MYH10: variants seen among roughly 807,000 people sequenced by gnomAD.
The protein encoded by MYH10 is myosin heavy chain 10.
In MYH10, 55 loss-of-function variants were observed where a neutral mutation model predicts 257.8. The ratio of observed to expected loss-of-function variants is 0.21; its 90% CI spans 0.17 to 0.27. MYH10 has a LOEUF of 0.27. MYH10 is among the 10% of genes least tolerant of loss of function. MYH10 has a pLI of 1.00. For missense variants in MYH10, 1,631 were observed against 2,500.6 expected (o/e 0.65, Z 7.42); for synonymous variants, 854 against 921.7 (o/e 0.93, Z 1.33).
intron 7 of MYH10, among the ~76,000 whole-genome samples, chr17:8,567,070 T>C (rs1045348499): frequency 6.6e-6 from 1 of 152,206 alleles, no homozygotes; most frequent in Non-Finnish European, 1.5e-5. Flanking sequence ...AAGATCTTGA[T>C]GGAGATTCAC....
At chr17:8,585,089 C>T (rs892813343) in intron 4 of MYH10, among the ~76,000 whole-genome samples, 2 of 151,700 alleles carry the variant, frequency 1.3e-5, no homozygotes, top group African/African-American at 4.8e-5. Context: ...GTGATCCGCC[C>T]ACCTTGGCCT....
chr17:8,539,184 A>T (rs1006812261), intron 14 of MYH10, among the ~76,000 whole-genome samples: 1 of 152,138 alleles, frequency 6.6e-6, no homozygotes, highest in Admixed American at 6.5e-5. Flanking sequence ...CAAGAAATCA[A>T]TTTCTTTTCT....
rs2081009818 is a variant in MYH10, at chr17:8,504,475, T to G, written c.3599+219A>C. Among the ~76,000 whole-genome samples, 1 of 152,202 alleles carries G rather than the reference T, an allele frequency of 6.6e-6. No homozygotes were observed. The highest frequency in any genetic ancestry group is 2.4e-5 in the African/African-American group (1 of 41,450). ...TTCCGATCACATCCATCTCCCTCTG[T>G]GTCCCTCAGTCTGCTGGTTTACCCA... On this transcript the variant is annotated intron_variant, in intron 28 of 42. Transcript: ENST00000360416. This position sits in a 1 kb window ranked among gnomAD's most constrained non-coding sequence, Gnocchi z 5.6.
intron 4 of MYH10, among the ~76,000 whole-genome samples, chr17:8,588,276 T>G (rs1483566124): frequency 6.6e-6 from 1 of 152,038 alleles, no homozygotes; most frequent in Non-Finnish European, 1.5e-5. Context: ...CTAGCACAGA[T>G]CTCACTCTCC....
chr17:8,630,125 C>G (rs931463347), intron 1 of MYH10, among the ~76,000 whole-genome samples: 6 of 151,760 alleles, frequency 4.0e-5, no homozygotes, highest in Admixed American at 1.3e-4. Context: ...CTGCCCAGCG[C>G]CCCCCCACCC....
intron 4 of MYH10, among the ~76,000 whole-genome samples, chr17:8,584,254 C>T (rs1033316055): frequency 2.0e-5 from 3 of 151,964 alleles, no homozygotes; most frequent in African/African-American, 7.3e-5. Flanking sequence ...GCAGATAAGG[C>T]CAGAGTGTAA....
chr17:8,521,895 A>G (rs1296487055), intron 17 of MYH10, among the ~76,000 whole-genome samples: 2 of 152,224 alleles, frequency 1.3e-5, no homozygotes. Flanking sequence ...ACACTTACTA[A>G]AGGGCAAGAA....
At chr17:8,484,006 C>A in intron 37 of MYH10, 132 bp downstream of exon 37, 2 of 803,384 alleles carry the variant, frequency 2.5e-6, no homozygotes, top group Non-Finnish European at 3.7e-6. Flanking sequence ...AAAATGGATA[C>A]TTAAAAAAAT....
rs749629361 is a variant in MYH10, at chr17:8,545,442, G to A, written c.1431+6C>T. On this transcript the variant is annotated splice_donor_region_variant and intron_variant, in intron 13 of 42. Coordinates refer to ENST00000360416, the MANE Select transcript of MYH10 (RefSeq NM_001256012.3). This position sits in a 1 kb window ranked among gnomAD's most constrained non-coding sequence, Gnocchi z 4.7. ...GGACGAGCTAGAGGAAGAGGGGGAA[G>A]AATACCTCAAAAATTTCAAATCCAG... 6.2e-7 allele frequency: 1 copy of A among 1,612,664 alleles called. No individual in the cohort carries two copies. Among genetic ancestry groups the A allele is most frequent in the South Asian group, 1.1e-5 (1 of 90,666 alleles).
chr17:8,489,437 C>T (rs529464853), intron 35 of MYH10, among the ~76,000 whole-genome samples: 86 of 152,324 alleles, frequency 5.6e-4, no homozygotes, highest in African/African-American at 2.0e-3. Context: ...GGCATGGTGG[C>T]TCATGCCTGT....
In MYH10 at chr17:8,503,307, A is replaced by AAATAAAATAG. The variant is rs746063253; in HGVS notation, c.3599+1386_3599+1387insCTATTTTATT. On this transcript the variant is annotated intron_variant, in intron 28 of 42. Coordinates refer to ENST00000360416, the MANE Select transcript of MYH10 (RefSeq NM_001256012.3). ...TCAAAAAAATATAAAATAAAAAATA[A>AAATAAAATAG]AATAAAATAAAAAAGTGGGGTAGGA... Among the ~76,000 whole-genome samples the AAATAAAATAG allele has an allele frequency of 1.1e-3, 161 of 151,932 alleles. 1 individual carries two copies. The highest frequency in any genetic ancestry group is 0.01 in the Middle Eastern group (3 of 294).
chr17:8,624,617 A>C (rs1320671818), intron 1 of MYH10, among the ~76,000 whole-genome samples: 1 of 152,232 alleles, frequency 6.6e-6, no homozygotes, highest in Non-Finnish European at 1.5e-5. Context: ...TGAGTCCATC[A>C]GCTAATCTCA....
At chr17:8,522,017 T>C (rs2081669659) in intron 17 of MYH10, among the ~76,000 whole-genome samples, 1 of 152,220 alleles carries the variant, frequency 6.6e-6, no homozygotes, top group African/African-American at 2.4e-5. Flanking sequence ...TTTTACATTA[T>C]CCACAAAGAC....
In MYH10 at chr17:8,604,941, C is replaced by A; in HGVS notation, c.387G>T (p.Lys129Asn). ...TATTCTCAGAGTAAATTGGAAGATT[C>A]TTGTAAGGGTTTATAACTACACAGA... The part of the protein sequence containing the change: ...GLFCVVINPY[K>N]NLPIYSENII... The change falls in exon 3 of 43, where the codon AAG (lysine) becomes AAT (asparagine). Residue 129 changes from lysine to asparagine, a missense_variant. Lys to Asn is a moderately conservative substitution (Grantham distance 94). This residue lies in a region of MYH10 where 360 missense variants were observed against 581.9 expected (regional missense o/e 0.62). Coordinates refer to ENST00000360416, the MANE Select transcript of MYH10 (RefSeq NM_001256012.3). The A allele has an allele frequency of 6.3e-7, 1 of 1,574,948 alleles. No homozygotes were observed. Among genetic ancestry groups the A allele is most frequent in the South Asian group, 1.1e-5 (1 of 88,758 alleles).
intron 28 of MYH10, among the ~76,000 whole-genome samples, chr17:8,502,276 A>G (rs552430493): frequency 2.4e-4 from 37 of 152,120 alleles, no homozygotes; most frequent in Non-Finnish European, 5.3e-4. Context: ...TGCCAGCTCC[A>G]TGGTCGCATG....
chr17:8,518,155 T>C (rs1470168000), intron 21 of MYH10, among the ~76,000 whole-genome samples: 1 of 123,752 alleles, frequency 8.1e-6, no homozygotes, highest in African/African-American at 3.1e-5. Flanking sequence ...GTGTTTGAGA[T>C]AGGGTCTCAC....
At chr17:8,501,246 T>C (rs895240899) in intron 28 of MYH10, among the ~76,000 whole-genome samples, 2 of 152,014 alleles carry the variant, frequency 1.3e-5, no homozygotes, top group Non-Finnish European at 2.9e-5. Context: ...TGAGCTATGA[T>C]TGCGCCACTG....
At chr17:8,587,955 A>G (rs1275213261) in intron 4 of MYH10, among the ~76,000 whole-genome samples, 2 of 151,614 alleles carry the variant, frequency 1.3e-5, no homozygotes, top group African/African-American at 4.9e-5. Flanking sequence ...TCCACTCTCT[A>G]TTGCTGGGTC....
chr17:8,593,683 GA>G lies in MYH10; in HGVS notation c.503-4576del, dbSNP rs959436204. Among the ~76,000 whole-genome samples the G allele has an allele frequency of 1.4e-4, 21 of 152,190 alleles. 1 individual carries two copies. In the South Asian group the frequency reaches 2.7e-3, roughly 20 times the overall value. ...TGAAAACTACAAAACACTAATGAAA[GA>G]AGTCAAAGAAGACCTATAGAGAGAC... is the stretch of plus-strand genomic sequence containing the variant. On this transcript the variant is annotated intron_variant, in intron 3 of 42. Coordinates refer to ENST00000360416, the MANE Select transcript of MYH10 (RefSeq NM_001256012.3).
Sources: allele counts gnomAD v4.1 joint callset (sites outside exome capture counted in the v4.1 genomes callset), GRCh38; gene constraint gnomAD v4.1.1; regional missense constraint gnomAD v4.1.1; non-coding constraint Gnocchi (gnomAD v3.1); transcripts MANE v1.5; gene names NCBI Gene and HGNC (gene_info 2026-07-23, HGNC 2026-07-21).